CBX1: variants seen among roughly 807,000 people sequenced by gnomAD.
CBX1 encodes chromobox 1, also known as chromobox protein homolog 1.
A neutral mutation model predicts 25.1 loss-of-function variants in CBX1; 10 were observed. That is an observed-to-expected ratio of 0.40 (90% CI 0.25 to 0.68). The LOEUF (loss-of-function observed/expected upper bound fraction) is 0.68, where lower values mean the gene tolerates loss of function less well. CBX1 is among the 30% of genes least tolerant of loss of function. The pLI, the probability that CBX1 is intolerant of heterozygous loss-of-function variation, is 0.40. For missense variants in CBX1, 106 were observed against 218.5 expected, an observed-to-expected ratio of 0.49 and a Z score of 3.25; for synonymous variants, 63 against 79.4, an observed-to-expected ratio of 0.79 and a Z score of 1.10.
intron 4 of CBX1, 118 bp downstream of exon 4, chr17:48,074,888 C>T: frequency 1.3e-6 from 1 of 780,644 alleles, no homozygotes; most frequent in Non-Finnish European, 2.3e-6. Flanking sequence ...AGGACTATGC[C>T]ATCTTAACAA....
At chr17:48,087,872 CAAAAAAAA>C (rs531431865) in intron 1 of CBX1, among the ~76,000 whole-genome samples, 1 of 89,496 alleles carries the variant, frequency 1.1e-5, no homozygotes, top group Non-Finnish European at 2.2e-5. Context: ...GACTCAGTCT[CAAAAAAAA>C]AAAAAAAAAA....
intron 1 of CBX1, among the ~76,000 whole-genome samples, chr17:48,099,527 C>T (rs1177156029): frequency 6.6e-6 from 1 of 152,160 alleles, no homozygotes; most frequent in East Asian, 1.9e-4. Context: ...CATTAAGGTG[C>T]CACCGGTTTC....
chr17:48,074,898 A>G (rs1440264996), intron 4 of CBX1, 108 bp downstream of exon 4: 157 of 830,814 alleles, frequency 1.9e-4, no homozygotes, highest in Admixed American at 2.5e-4. Context: ...CATCTTAACA[A>G]TTTCACACTT....
chr17:48,074,849 G>A, intron 4 of CBX1, 157 bp downstream of exon 4: 2 of 661,280 alleles, frequency 3.0e-6, no homozygotes, highest in Non-Finnish European at 5.5e-6. Flanking sequence ...TGAGTCCAGG[G>A]TGGCAGTCAG....
chr17:48,094,804 T>TGTA (rs1419883264), intron 1 of CBX1, among the ~76,000 whole-genome samples: 1 of 150,772 alleles, frequency 6.6e-6, no homozygotes, highest in Non-Finnish European at 1.5e-5. Context: ...ATCAGTACTT[T>TGTA]GGGAAGTCGA....
chr17:48,091,983 CTTTTTTTTTTTTT>C (rs56277117), intron 1 of CBX1, among the ~76,000 whole-genome samples: 1 of 62,916 alleles, frequency 1.6e-5, no homozygotes, highest in African/African-American at 6.7e-5. Flanking sequence ...CCAGCCAGAT[CTTTTTTTTTTTTT>C]TTTTTTTTTT....
chr17:48,074,139 C>A (rs2037652737), intron 4 of CBX1, among the ~76,000 whole-genome samples: 2 of 152,118 alleles, frequency 1.3e-5, no homozygotes, highest in South Asian at 4.1e-4. Flanking sequence ...CCCCTCCAGC[C>A]ATACTGTAAA....
rs796350669 is a variant in CBX1, at chr17:48,077,445, G to GTTTTTTTTTTTTTTTT, written c.-37-405_-37-404insAAAAAAAAAAAAAAAA. ...GCTAATTTTTGTTGTTTTTTTTTTT[G>GTTTTTTTTTTTTTTTT]TTTTTTTTGTTTTTTTTTTTTTAGT... On this transcript the variant is annotated intron_variant, in intron 1 of 4. Transcript: ENST00000225603. Among the ~76,000 whole-genome samples the GTTTTTTTTTTTTTTTT allele has an allele frequency of 5.9e-4, 31 of 52,414 alleles. 2 individuals are homozygous for GTTTTTTTTTTTTTTTT. The highest frequency in any genetic ancestry group is 1.5e-3 in the African/African-American group (31 of 20,754). 34.4% of individuals were successfully genotyped at this position (52,414 alleles called of 152,430 possible). A position where few individuals can be genotyped will look rare whatever the true frequency, so the allele number is the denominator to read the frequency against.
At chr17:48,073,583 T>C (rs1473978369) in intron 4 of CBX1, among the ~76,000 whole-genome samples, 1 of 152,066 alleles carries the variant, frequency 6.6e-6, no homozygotes, top group Non-Finnish European at 1.5e-5. Context: ...TCCTAGCACC[T>C]TGGGAGGCTG....
chr17:48,094,420 CAA>C (rs901545706), intron 1 of CBX1, among the ~76,000 whole-genome samples: 66 of 150,850 alleles, frequency 4.4e-4, no homozygotes, highest in African/African-American at 1.6e-3. Flanking sequence ...GGATACAGGA[CAA>C]GACTCTGTCT....
intron 3 of CBX1, among the ~76,000 whole-genome samples, chr17:48,075,679 ACTTT>A (rs768326721): frequency 5.9e-5 from 9 of 152,316 alleles, no homozygotes; most frequent in South Asian, 2.1e-4. Flanking sequence ...AAAACAACTT[ACTTT>A]AAGATACTGA....
At chr17:48,087,188 CAAA>C (rs71141963) in intron 1 of CBX1, among the ~76,000 whole-genome samples, 1 of 143,848 alleles carries the variant, frequency 7.0e-6, no homozygotes, top group Non-Finnish European at 1.5e-5. Context: ...GACGCCATCT[CAAA>C]AAAAAAAAAA....
intron 1 of CBX1, 150 bp downstream of exon 1, chr17:48,101,118 C>G: frequency 1.0e-6 from 1 of 986,546 alleles, no homozygotes; most frequent in African/African-American, 1.7e-5. Context: ...AAGAGCTCAG[C>G]GCGGGAAGCG....
chr17:48,078,414 G>A (rs987387601), intron 1 of CBX1, among the ~76,000 whole-genome samples: 4 of 151,878 alleles, frequency 2.6e-5, no homozygotes, highest in East Asian at 1.9e-4. Flanking sequence ...GGATGGTCTC[G>A]ATCTCCTGAC....
intron 1 of CBX1, among the ~76,000 whole-genome samples, chr17:48,088,006 T>G (rs944206233): frequency 6.6e-6 from 1 of 151,748 alleles, no homozygotes; most frequent in Non-Finnish European, 1.5e-5. Flanking sequence ...ATATTAACAT[T>G]CAATTACAAA....
chr17:48,091,700 C>T (rs1056061749), intron 1 of CBX1, among the ~76,000 whole-genome samples: 8 of 152,102 alleles, frequency 5.3e-5, no homozygotes, highest in African/African-American at 1.9e-4. Flanking sequence ...CGCCACCATG[C>T]CCAGCTAATT....
intron 1 of CBX1, among the ~76,000 whole-genome samples, chr17:48,089,696 A>G (rs12944000): frequency 1.4e-5 from 2 of 146,862 alleles, no homozygotes; most frequent in Non-Finnish European, 3.0e-5. Flanking sequence ...GGTGGCACAT[A>G]TCTGTAATCC....
At chr17:48,076,745 T>G (rs1188065651) in intron 2 of CBX1, 120 bp downstream of exon 2, 1 of 822,750 alleles carries the variant, frequency 1.2e-6, no homozygotes, top group Admixed American at 2.6e-5. Flanking sequence ...AATTAAACAA[T>G]AAGCCATGAA....
At chr17:48,075,907 A>C in intron 3 of CBX1, 94 bp downstream of exon 3, 2 of 932,498 alleles carry the variant, frequency 2.1e-6, no homozygotes, top group Non-Finnish European at 3.2e-6. Context: ...GACTAAGAAG[A>C]GACAGCTGCT....
Sources: allele counts gnomAD v4.1 joint callset (sites outside exome capture counted in the v4.1 genomes callset), GRCh38; gene constraint gnomAD v4.1.1; transcripts MANE v1.5; gene names NCBI Gene and HGNC (gene_info 2026-07-23, HGNC 2026-07-21).